Variants in ABCD3 observed in about 807,000 individuals in gnomAD.
The protein encoded by ABCD3 is ATP binding cassette subfamily D member 3.
A neutral mutation model predicts 105.5 loss-of-function variants in ABCD3; 41 were observed. That is an observed-to-expected ratio of 0.39 (90% CI 0.30 to 0.50). The LOEUF (loss-of-function observed/expected upper bound fraction) is 0.50. Among genes scored for constraint, ABCD3 ranks in the 20% least tolerant of loss-of-function variants. The pLI is 0.84. For missense variants in ABCD3, 622 were observed against 806.3 expected, an observed-to-expected ratio of 0.77 and a Z score of 2.77; for synonymous variants, 258 against 269.0, an observed-to-expected ratio of 0.96 and a Z score of 0.40.
At chr1:94,504,026 C>T (rs1381128760) in intron 20 of ABCD3, among the ~76,000 whole-genome samples, 2 of 151,082 alleles carry the variant, frequency 1.3e-5, no homozygotes, top group African/African-American at 4.9e-5. Flanking sequence ...GATTCTCCTG[C>T]CTCAGCCTCC....
chr1:94,475,837 A>G (rs1332580721), intron 7 of ABCD3, 100 bp downstream of exon 7: 1 of 922,348 alleles, frequency 1.1e-6, no homozygotes. Flanking sequence ...TAACAGCAGC[A>G]TGTAAATATT....
intron 1 of ABCD3, among the ~76,000 whole-genome samples, chr1:94,437,871 C>T (rs1229120060): frequency 2.0e-5 from 3 of 152,092 alleles, no homozygotes; most frequent in African/African-American, 7.2e-5. Flanking sequence ...TTATTCCAAC[C>T]CTCATGGATG....
chr1:94,425,692 C>T (rs918651453), intron 1 of ABCD3, among the ~76,000 whole-genome samples: 1 of 151,948 alleles, frequency 6.6e-6, no homozygotes, highest in African/African-American at 2.4e-5. Context: ...ACTTAATTAC[C>T]TACTCATCAT....
rs141432588 is a variant in ABCD3 at position 94,475,232 on chromosome 1, G to A, written c.495G>A (p.Glu165=). ...GGCTCACTAAATACCTCTATGAGGA[G>A]TATCTTCAGTAAGTGATAACCTATT... ...RVRLTKYLYE[E]YLQAFTYYKM... is the part of the protein sequence containing the mutation. The change falls in exon 6 of 23, where the codon GAG becomes GAA. Residue 165 remains glutamate (E), a synonymous_variant. Transcript: ENST00000370214. 579 of 1,570,706 alleles carry A rather than the reference G, an allele frequency of 3.7e-4. No individual in the cohort carries two copies. Among genetic ancestry groups the A allele is most frequent in the Non-Finnish European group, 4.6e-4 (529 of 1,148,930 alleles).
intron 1 of ABCD3, among the ~76,000 whole-genome samples, chr1:94,437,456 A>G (rs1439640815): frequency 6.6e-6 from 1 of 152,218 alleles, no homozygotes; most frequent in East Asian, 1.9e-4. Context: ...GGATAGCAGC[A>G]CGTCTGTTTA....
Position 94,456,221 on chromosome 1 carries a change from C to G in ABCD3, c.111-2386C>G, listed in dbSNP as rs1427403333. Among the ~76,000 whole-genome samples the G allele has an allele frequency of 2.1e-5, 3 of 144,632 alleles. No homozygotes were observed. In the South Asian group the frequency reaches 6.6e-4, roughly 32 times the overall value. The allele number at this position is 144,632 out of a possible 152,430, so 94.9% of individuals were successfully genotyped here. ...TGGCTTATTTCATTTAGTATAATGT[C>G]CCCCGGTTCATCCATGTTGTTGCAA... is the stretch of plus-strand genomic sequence containing the variant. On this transcript the variant is annotated intron_variant, in intron 1 of 22. Transcript: ENST00000370214.
chr1:94,484,794 TA>T (rs1327329117), intron 10 of ABCD3, among the ~76,000 whole-genome samples: 4 of 149,996 alleles, frequency 2.7e-5, no homozygotes, highest in Admixed American at 6.7e-5. Context: ...ATCAAAAACA[TA>T]AAAAAAAAAT....
At chr1:94,409,639 A>G in the ABCD3 span, among the ~76,000 whole-genome samples, 2 of 152,322 alleles carry the variant, frequency 1.3e-5, no homozygotes, top group Admixed American at 1.3e-4. Flanking sequence ...TAAAGACTCC[A>G]TTGGCTTTTC....
intron 20 of ABCD3, among the ~76,000 whole-genome samples, chr1:94,502,893 C>CTTAG (rs1439494363): frequency 6.6e-6 from 1 of 152,172 alleles, no homozygotes; most frequent in Non-Finnish European, 1.5e-5. Context: ...CTTTGTCAGG[C>CTTAG]TTAGGCAAGC....
rs183928351 is a variant in ABCD3, at chr1:94,439,411, G to T, written c.111-19196G>T. Among the ~76,000 whole-genome samples the T allele has an allele frequency of 1.2e-3, 178 of 152,134 alleles. 3 individuals are homozygous for T. The highest frequency in any genetic ancestry group is 3.7e-3 in the African/African-American group (154 of 41,490). ...AATCCCAGCACTTTGGGAGGCTGAGGTGGGCAGATCACTTGAGGTCAGGAG... is the reference window on the plus strand; with the variant it reads ...AATCCCAGCACTTTGGGAGGCTGAGTTGGGCAGATCACTTGAGGTCAGGAG... On this transcript the variant is annotated intron_variant, in intron 1 of 22. Transcript: ENST00000370214.
At chr1:94,432,216 T>C (rs1421807535) in intron 1 of ABCD3, among the ~76,000 whole-genome samples, 3 of 152,248 alleles carry the variant, frequency 2.0e-5, no homozygotes, top group African/African-American at 7.2e-5. Context: ...TCCAGTCTTG[T>C]GGCACTATTA....
intron 9 of ABCD3, 110 bp from the exon 10 acceptor site, chr1:94,483,060 C>G: frequency 1.3e-6 from 1 of 763,878 alleles, no homozygotes; most frequent in East Asian, 2.7e-5. Context: ...AGCTCTTAGT[C>G]ACAAAATGTC....
upstream of ABCD3, among the ~76,000 whole-genome samples, chr1:94,416,262 T>A (rs1659004474): frequency 6.6e-6 from 1 of 152,248 alleles, no homozygotes; most frequent in Admixed American, 6.5e-5. Context: ...GAGTGACTCC[T>A]GCGGTCCTTT....
intron 20 of ABCD3, among the ~76,000 whole-genome samples, chr1:94,505,173 T>A (rs968688402): frequency 6.6e-6 from 1 of 152,182 alleles, no homozygotes; most frequent in African/African-American, 2.4e-5. Flanking sequence ...GAGGAATTTT[T>A]ATTTTTAATT....
chr1:94,441,879 G>A (rs1216874514), intron 1 of ABCD3, among the ~76,000 whole-genome samples: 2 of 152,134 alleles, frequency 1.3e-5, no homozygotes, highest in Admixed American at 1.3e-4. Context: ...GTCAAAAGGA[G>A]GGGGTGGTTG....
rs767442960 is a variant in ABCD3, at chr1:94,498,593, T to G, written c.1387-9T>G. 3.7e-6 allele frequency: 6 copies of G among 1,613,612 alleles called. No homozygotes were observed. Among genetic ancestry groups the G allele is most frequent in the Non-Finnish European group, 5.1e-6 (6 of 1,179,844 alleles). On this transcript the variant is annotated splice_polypyrimidine_tract_variant and intron_variant, in intron 16 of 22. Coordinates refer to ENST00000370214, the MANE Select transcript of ABCD3 (RefSeq NM_002858.4). Reference sequence around the variant, plus strand: ...TTACTTCACAGACTGATTTTTTTTTTTTTTTCAGGTTCGATCTGGGGCTAA... The same window carrying G: ...TTACTTCACAGACTGATTTTTTTTTGTTTTTCAGGTTCGATCTGGGGCTAA...
the ABCD3 span, among the ~76,000 whole-genome samples, chr1:94,389,986 A>G: frequency 1.3e-5 from 2 of 152,240 alleles, no homozygotes; most frequent in Admixed American, 6.5e-5. Flanking sequence ...GAGTGTTAAT[A>G]AAAACCTGGG....
upstream of ABCD3, among the ~76,000 whole-genome samples, chr1:94,413,804 T>C (rs1488686492): frequency 1.3e-5 from 2 of 152,134 alleles, no homozygotes; most frequent in Non-Finnish European, 2.9e-5. Flanking sequence ...ATTTAAGATC[T>C]GCCTCCCCAG....
At chr1:94,484,877 G>A (rs1351504665) in intron 10 of ABCD3, among the ~76,000 whole-genome samples, 1 of 152,126 alleles carries the variant, frequency 6.6e-6, no homozygotes, top group African/African-American at 2.4e-5. Flanking sequence ...TGTTCCTGAA[G>A]CATTCATGAA....
Sources: gnomAD v4.1 joint callset for allele counts (sites outside exome capture counted in the v4.1 genomes callset) on GRCh38, gnomAD v4.1.1 for gene constraint, MANE v1.5 for transcripts, NCBI Gene and HGNC (gene_info 2026-07-23, HGNC 2026-07-21) for gene names.